The following C1orf94 variants were observed in gnomAD, a reference collection of about 807,000 sequenced individuals.
C1orf94 encodes chromosome 1 open reading frame 94, also known as uncharacterized protein C1orf94.
Under a neutral mutation model 53.6 loss-of-function variants are expected in C1orf94, and 45 were observed. The observed-to-expected ratio is 0.84, with a 90% CI of 0.66 to 1.08. The LOEUF (loss-of-function observed/expected upper bound fraction) is 1.08, where lower values mean the gene tolerates loss of function less well. Ranked by LOEUF, C1orf94 falls within the 50% of genes least tolerant of loss-of-function variation. C1orf94 has a pLI of 0.00. For missense variants in C1orf94, 762 were observed against 738.9 expected (o/e 1.03, Z -0.36); for synonymous variants, 304 against 296.1 (o/e 1.03, Z -0.27).
intron 1 of C1orf94, among the ~76,000 whole-genome samples, chr1:34,187,244 A>T (rs989033548): frequency 3.4e-4 from 51 of 152,190 alleles, no homozygotes; most frequent in African/African-American, 1.1e-3. Context: ...GGTGAGGCTC[A>T]GAGAGGTTAA....
chr1:34,212,709 C>T (rs138569896), intron 6 of C1orf94, among the ~76,000 whole-genome samples: 12 of 152,278 alleles, frequency 7.9e-5, no homozygotes, highest in South Asian at 4.1e-4. Context: ...GTTGGTGCAA[C>T]GATGCATTTG....
At chr1:34,202,576 T>C (rs1336012757) in intron 4 of C1orf94, among the ~76,000 whole-genome samples, 1 of 152,230 alleles carries the variant, frequency 6.6e-6, no homozygotes. Context: ...GTGCTCTTTA[T>C]TGCAGAGTCT....
chr1:34,211,403 G>A (rs892977017), intron 5 of C1orf94, among the ~76,000 whole-genome samples: 4 of 152,030 alleles, frequency 2.6e-5, no homozygotes, highest in African/African-American at 4.8e-5. Flanking sequence ...GACTTGTCGC[G>A]GCAAGATGGT....
Position 34,218,669 on chromosome 1 carries a change from C to T in C1orf94, c.1722-17C>T. The T allele has an allele frequency of 6.2e-7, 1 of 1,608,568 alleles. No individual in the cohort carries two copies. Among genetic ancestry groups the T allele is most frequent in the South Asian group, 1.1e-5 (1 of 90,482 alleles). On this transcript the variant is annotated splice_polypyrimidine_tract_variant and intron_variant, in intron 6 of 6. Coordinates refer to ENST00000488417, the MANE Select transcript of C1orf94 (RefSeq NM_001134734.2). ...ATTAGGAATCTCATCATGGCATCCA[C>T]CCTCCCTCTCTTCCAGGTTCGGCTC...
At chr1:34,172,769 G>T (rs1642167234), upstream of C1orf94, among the ~76,000 whole-genome samples, 1 of 152,236 alleles carries the variant, frequency 6.6e-6, no homozygotes, top group South Asian at 2.1e-4. Context: ...TGGCTGCTCT[G>T]CAGCCCTGTC....
In C1orf94 at chr1:34,197,932, G is replaced by A. The variant is rs772791049; in HGVS notation, c.1009+19G>A. 6 of 1,594,052 alleles carry A rather than the reference G, an allele frequency of 3.8e-6. No homozygotes were observed. The highest frequency in any genetic ancestry group is 4.3e-6 in the Non-Finnish European group (5 of 1,169,372). On this transcript the variant is annotated intron_variant, in intron 2 of 6. Transcript: ENST00000488417. This position sits in a 1 kb window ranked among gnomAD's most constrained non-coding sequence, Gnocchi z 4.1. ...TTGATGGGTGAGTGGGGTTGGAACT[G>A]GGGTAGAGTGGGCCTGCAAGGAGGA...
chr1:34,177,695 A>G lies in C1orf94; in HGVS notation c.-95A>G. ...CTCCACCCACCCCTCCCACACAAAT[A>G]GAAGGCCTCTGAACCTAACCACCTT... is the stretch of plus-strand genomic sequence containing the variant. On this transcript the variant is annotated 5_prime_UTR_variant, in exon 1 of 7. It adds an upstream start codon to the 5' untranslated region. Transcript: ENST00000488417. 1 of 1,145,320 alleles carries G rather than the reference A, an allele frequency of 8.7e-7. No homozygotes were observed. Among genetic ancestry groups the G allele is most frequent in the East Asian group, 2.6e-5 (1 of 38,476 alleles). The allele number at this position is 1,145,320 out of a possible 1,614,324, so 70.9% of individuals were successfully genotyped here.
At chr1:34,210,673 T>G in intron 5 of C1orf94, among the ~76,000 whole-genome samples, 1 of 151,694 alleles carries the variant, frequency 6.6e-6, no homozygotes, top group Non-Finnish European at 1.5e-5. Context: ...TTTTTTTTTT[T>G]AGACGGAGTC....
intron 1 of C1orf94, among the ~76,000 whole-genome samples, chr1:34,191,428 T>C (rs1263351916): frequency 1.3e-5 from 2 of 151,880 alleles, no homozygotes; most frequent in Non-Finnish European, 2.9e-5. Flanking sequence ...CCCACCCCCA[T>C]TAAACGGTGG....
At chr1:34,186,088 T>C (rs1239563696) in intron 1 of C1orf94, among the ~76,000 whole-genome samples, 1 of 152,220 alleles carries the variant, frequency 6.6e-6, no homozygotes, top group Non-Finnish European at 1.5e-5. Context: ...TCTTTCTCTT[T>C]TTCCCACATT....
At chr1:34,167,969 C>T (rs1188329857) in intron 1 of C1orf94, among the ~76,000 whole-genome samples, 1 of 152,140 alleles carries the variant, frequency 6.6e-6, no homozygotes, top group Non-Finnish European at 1.5e-5. Context: ...TGAATATACA[C>T]CTAGTGCACA....
At chr1:34,194,315 G>A (rs986080281) in intron 1 of C1orf94, among the ~76,000 whole-genome samples, 3 of 152,202 alleles carry the variant, frequency 2.0e-5, no homozygotes, top group Admixed American at 6.5e-5. Context: ...AATACAAGGT[G>A]TAGAAGGCAG....
At chr1:34,176,721 G>T (rs574796088), upstream of C1orf94, among the ~76,000 whole-genome samples, 1 of 152,326 alleles carries the variant, frequency 6.6e-6, no homozygotes, top group East Asian at 1.9e-4. Context: ...TAAAATGGCA[G>T]TTAGGATTAA....
chr1:34,194,548 A>G (rs1642549170), intron 1 of C1orf94, among the ~76,000 whole-genome samples: 1 of 152,244 alleles, frequency 6.6e-6, no homozygotes, highest in South Asian at 2.1e-4. Context: ...AAGCAAATAC[A>G]GACAAATAGA....
At chr1:34,218,214 C>A (rs530017596) in intron 6 of C1orf94, among the ~76,000 whole-genome samples, 1 of 152,122 alleles carries the variant, frequency 6.6e-6, no homozygotes, top group Non-Finnish European at 1.5e-5. Context: ...TAGCTTAGTG[C>A]TGGAAGGGGA....
intron 1 of C1orf94, among the ~76,000 whole-genome samples, chr1:34,196,504 G>A (rs949147689): frequency 6.6e-6 from 1 of 152,168 alleles, no homozygotes; most frequent in Non-Finnish European, 1.5e-5. Context: ...AGAGGCTACC[G>A]TATGAGATCC....
intron 1 of C1orf94, 112 bp downstream of exon 1, chr1:34,178,221 T>C: frequency 8.8e-7 from 1 of 1,134,828 alleles, no homozygotes; most frequent in Non-Finnish European, 1.2e-6. Flanking sequence ...CTAAAGGCTG[T>C]ATATTGCCCC....
chr1:34,191,647 G>C (rs556351981), intron 1 of C1orf94, among the ~76,000 whole-genome samples: 15 of 152,276 alleles, frequency 9.9e-5, no homozygotes, highest in African/African-American at 1.2e-4. Context: ...TGGGTACTGT[G>C]TTTGTCATTG....
chr1:34,175,268 C>G (rs1642208948), upstream of C1orf94, among the ~76,000 whole-genome samples: 2 of 148,752 alleles, frequency 1.3e-5, no homozygotes, highest in African/African-American at 4.9e-5. Flanking sequence ...GGAGAGGGAA[C>G]AGGAAGAGTG....
Sources: gnomAD v4.1 joint callset for allele counts (sites outside exome capture counted in the v4.1 genomes callset) on GRCh38, gnomAD v4.1.1 for gene constraint, Gnocchi (gnomAD v3.1) non-coding constraint, MANE v1.5 for transcripts, NCBI Gene and HGNC (gene_info 2026-07-23, HGNC 2026-07-21) for gene names.